The following SOX6 variants were observed in gnomAD, a reference collection of about 807,000 sequenced individuals.
SOX6 encodes transcription factor SOX-6.
SOX6 carries 11 observed loss-of-function variants against 97.8 expected under a neutral mutation model. The ratio of observed to expected loss-of-function variants is 0.11; its 90% confidence interval spans 0.07 to 0.19. The LOEUF (loss-of-function observed/expected upper bound fraction) is 0.19. SOX6 is among the 10% of genes least tolerant of loss of function. The pLI is 1.00. For synonymous variants in SOX6, 360 were observed against 371.4 expected, an observed-to-expected ratio of 0.97 and a Z score of 0.35; for missense variants, 810 against 1,039.5, an observed-to-expected ratio of 0.78 and a Z score of 3.04.
intron 4 of SOX6, among the ~76,000 whole-genome samples, chr11:16,196,891 T>C (rs954272591): frequency 1.3e-4 from 19 of 147,146 alleles, no homozygotes; most frequent in African/African-American, 4.8e-4. Flanking sequence ...TGGAGTGCAG[T>C]GGTGTGATCT....
intron 6 of SOX6, among the ~76,000 whole-genome samples, chr11:16,140,418 A>G (rs1476032744): frequency 1.3e-5 from 2 of 152,194 alleles, no homozygotes; most frequent in African/African-American, 4.8e-5. Flanking sequence ...ATTATATTGT[A>G]TAGTAGAAAG....
intron 6 of SOX6, among the ~76,000 whole-genome samples, chr11:16,127,310 G>T (rs1417593829): frequency 6.6e-6 from 1 of 151,906 alleles, no homozygotes; most frequent in Non-Finnish European, 1.5e-5. Flanking sequence ...TGTTGTTTTT[G>T]CACTCAAAAT....
At position 16,022,331 on chromosome 11, in the gene SOX6, TTTCCTTCC is replaced by T. The variant is rs71044083; in HGVS notation, c.1624-7289_1624-7282del. On this transcript the variant is annotated intron_variant, in intron 12 of 15. Transcript: ENST00000683767. ...TTTTCCTTCCTTCCTTCCTTCCTTCTTTCCTTCCTTCCTTCCTTCCTTCCTTCCTTCCT... is the reference window on the plus strand; with the variant it reads ...TTTTCCTTCCTTCCTTCCTTCCTTCTTTCCTTCCTTCCTTCCTTCCTTCCT... Among the ~76,000 whole-genome samples, 222 of 113,838 alleles carry T rather than the reference TTTCCTTCC, an allele frequency of 2.0e-3. 1 individual carries two copies. Among genetic ancestry groups the T allele is most frequent in the South Asian group, 5.5e-3 (16 of 2,908 alleles). 74.7% of individuals were successfully genotyped at this position (113,838 alleles called of 152,430 possible). A position where few individuals can be genotyped will look rare whatever the true frequency, so the allele number is the denominator to read the frequency against.
intron 4 of SOX6, among the ~76,000 whole-genome samples, chr11:16,580,668 A>G (rs1227674002): frequency 6.6e-6 from 1 of 152,294 alleles, no homozygotes; most frequent in Non-Finnish European, 1.5e-5. Context: ...CAGGCAACCT[A>G]CAGAATGGGA....
chr11:16,721,526 CTCTCTCTCT>C, intron 2 of SOX6, among the ~76,000 whole-genome samples: 1 of 69,100 alleles, frequency 1.4e-5, no homozygotes, highest in Non-Finnish European at 3.0e-5. Flanking sequence ...CTCTCTCTCT[CTCTCTCTCT>C]CTCTCTCTCT....
At chr11:16,415,946 A>G (rs1858917284) in intron 1 of SOX6, among the ~76,000 whole-genome samples, 1 of 152,178 alleles carries the variant, frequency 6.6e-6, no homozygotes, top group Non-Finnish European at 1.5e-5. Flanking sequence ...TTGATTTTAA[A>G]TATTCAGCAT....
At chr11:16,137,205 G>A (rs1849990499) in intron 6 of SOX6, among the ~76,000 whole-genome samples, 1 of 152,162 alleles carries the variant, frequency 6.6e-6, no homozygotes, top group South Asian at 2.1e-4. Context: ...GGAGGCTGAG[G>A]TGGACAGACT....
chr11:16,552,452 T>C (rs1010760918), intron 4 of SOX6, among the ~76,000 whole-genome samples: 7 of 152,180 alleles, frequency 4.6e-5, no homozygotes, highest in Admixed American at 4.6e-4. Flanking sequence ...CATGGGTTAA[T>C]GTAGGTTTTT....
intron 2 of SOX6, among the ~76,000 whole-genome samples, chr11:16,728,103 T>A (rs1848321117): frequency 6.6e-6 from 1 of 152,096 alleles, no homozygotes; most frequent in Admixed American, 6.6e-5. Flanking sequence ...GGCTTATAGA[T>A]AAAATTCCCA....
rs1853206834 is a variant in SOX6 at position 15,968,569 on chromosome 11, A to G, written c.*4240T>C. ...CCTGAAACAATCCCTGCTTTCTGCT[A>G]GTGCTTGTGCTCCTGGCTCAGGAGG... On this transcript the variant is annotated 3_prime_UTR_variant, in exon 16 of 16. Transcript: ENST00000683767. 1 of 152,238 alleles carries G rather than the reference A, an allele frequency of 6.6e-6. No homozygotes were observed. The highest frequency in any genetic ancestry group is 2.4e-5 in the African/African-American group (1 of 41,452). The allele number at this position is 152,238 out of a possible 1,614,324, so 9.4% of individuals were successfully genotyped here.
chr11:16,178,399 A>C (rs1851255528), intron 6 of SOX6, among the ~76,000 whole-genome samples: 1 of 152,004 alleles, frequency 6.6e-6, no homozygotes, highest in Non-Finnish European at 1.5e-5. Flanking sequence ...AGAAATAATT[A>C]GATTTGCATT....
rs1857079873 is a variant in SOX6, at chr11:16,356,494, T to C, written c.-405A>G. On this transcript the variant is annotated 5_prime_UTR_variant, in exon 1 of 16. Coordinates refer to ENST00000683767, the MANE Select transcript of SOX6 (RefSeq NM_001367873.1). ...AAGCCATCATCCAATAGAGCCTATTTGCTGAGCAACAGTGGAGCTTTGTGG... is the reference window on the plus strand; with the variant it reads ...AAGCCATCATCCAATAGAGCCTATTCGCTGAGCAACAGTGGAGCTTTGTGG... Among the ~76,000 whole-genome samples, 1 of 152,104 alleles carries C rather than the reference T, an allele frequency of 6.6e-6. No individual in the cohort carries two copies. Among genetic ancestry groups the C allele is most frequent in the African/African-American group, 2.4e-5 (1 of 41,444 alleles).
chr11:16,417,625 G>GA (rs746740596), intron 1 of SOX6, among the ~76,000 whole-genome samples: 28 of 150,634 alleles, frequency 1.9e-4, no homozygotes, highest in Non-Finnish European at 2.8e-4. Context: ...ACTTAATTTG[G>GA]AAAAAAAAAT....
intron 3 of SOX6, among the ~76,000 whole-genome samples, chr11:16,684,468 A>T (rs1847952958): frequency 6.6e-6 from 1 of 152,228 alleles, no homozygotes; most frequent in African/African-American, 2.4e-5. Flanking sequence ...TTCTCAGCAA[A>T]CTATCACAAG....
chr11:16,497,109 T>C (rs1424443236), intron 4 of SOX6, among the ~76,000 whole-genome samples: 1 of 152,172 alleles, frequency 6.6e-6, no homozygotes, highest in Non-Finnish European at 1.5e-5. Context: ...GGTACTCCTC[T>C]GAGACAAAAC....
intron 1 of SOX6, among the ~76,000 whole-genome samples, chr11:16,375,124 C>T (rs1203386795): frequency 6.6e-6 from 1 of 151,952 alleles, no homozygotes; most frequent in East Asian, 1.9e-4. Flanking sequence ...ATTCCAACAA[C>T]TCATGTGAAA....
At chr11:15,988,398 C>G (rs1292415183) in intron 14 of SOX6, among the ~76,000 whole-genome samples, 1 of 152,192 alleles carries the variant, frequency 6.6e-6, no homozygotes, top group African/African-American at 2.4e-5. Context: ...CTCGTGTGTT[C>G]AGCTCACTGC....
At chr11:16,028,490 T>C (rs1423304717) in intron 12 of SOX6, among the ~76,000 whole-genome samples, 1 of 152,232 alleles carries the variant, frequency 6.6e-6, no homozygotes, top group Admixed American at 6.5e-5. Context: ...AAGCTTTTGT[T>C]AGGCTCTAAG....
At chr11:16,015,522 T>A (rs1017818539) in intron 12 of SOX6, among the ~76,000 whole-genome samples, 4 of 151,990 alleles carry the variant, frequency 2.6e-5, no homozygotes, top group African/African-American at 9.7e-5. Flanking sequence ...AACAAATATT[T>A]CAAACCAGGC....
Sources: gnomAD v4.1 joint callset for allele counts (sites outside exome capture counted in the v4.1 genomes callset) on GRCh38, gnomAD v4.1.1 for gene constraint, MANE v1.5 for transcripts, NCBI Gene and HGNC (gene_info 2026-07-23, HGNC 2026-07-21) for gene names.